The following SKAP1 variants were observed in gnomAD, a reference collection of about 807,000 sequenced individuals.
The protein encoded by SKAP1 is src kinase associated phosphoprotein 1, also known as src kinase-associated phosphoprotein 1.
Under a neutral mutation model 58.5 loss-of-function variants are expected in SKAP1, and 44 were observed. The ratio of observed to expected loss-of-function variants is 0.75; its 90% CI spans 0.59 to 0.97. SKAP1 has a LOEUF of 0.97. Among genes scored for constraint, SKAP1 ranks in the 50% least tolerant of loss-of-function variants. The pLI is 0.00. For synonymous variants in SKAP1, 127 were observed against 149.7 expected, an observed-to-expected ratio of 0.85 and a Z score of 1.11; for missense variants, 390 against 435.2, an observed-to-expected ratio of 0.90 and a Z score of 0.92.
At chr17:48,349,632 G>A (rs950259230) in intron 3 of SKAP1, among the ~76,000 whole-genome samples, 16 of 152,100 alleles carry the variant, frequency 1.1e-4, no homozygotes, top group South Asian at 2.1e-4. Context: ...AGAATTGGGC[G>A]TTAGATACAC....
intron 4 of SKAP1, among the ~76,000 whole-genome samples, chr17:48,255,844 A>G (rs1031881855): frequency 6.6e-5 from 10 of 152,104 alleles, no homozygotes; most frequent in Non-Finnish European, 1.2e-4. Context: ...TATAAGTCAT[A>G]ACGTTTGTTT....
intron 4 of SKAP1, among the ~76,000 whole-genome samples, chr17:48,240,708 C>G (rs972933966): frequency 2.0e-5 from 3 of 152,274 alleles, no homozygotes; most frequent in African/African-American, 4.8e-5. Context: ...AGTGGAATTA[C>G]TGGAGGGACA....
At chr17:48,408,577 A>C (rs963395359) in intron 1 of SKAP1, among the ~76,000 whole-genome samples, 1 of 152,220 alleles carries the variant, frequency 6.6e-6, no homozygotes, top group Non-Finnish European at 1.5e-5. Flanking sequence ...TTAGTAATAC[A>C]TTAAAATATT....
intron 4 of SKAP1, among the ~76,000 whole-genome samples, chr17:48,257,449 G>T (rs1348490713): frequency 6.6e-6 from 1 of 151,910 alleles, no homozygotes; most frequent in Non-Finnish European, 1.5e-5. Context: ...ATGGTAAAGA[G>T]GACCAAAACA....
At chr17:48,137,113 T>C (rs768938371) in intron 12 of SKAP1, 116 bp downstream of exon 12, 1 of 616,208 alleles carries the variant, frequency 1.6e-6, no homozygotes, top group Non-Finnish European at 2.9e-6. Flanking sequence ...CTAGCATTAG[T>C]ATGAGAAATG....
intron 4 of SKAP1, among the ~76,000 whole-genome samples, chr17:48,260,632 T>C (rs975949344): frequency 2.0e-5 from 3 of 151,828 alleles, no homozygotes; most frequent in Non-Finnish European, 2.9e-5. Flanking sequence ...ACTGGAGGGG[T>C]GTGTGTGTGT....
At chr17:48,433,755 C>A (rs1218196008), upstream of SKAP1, among the ~76,000 whole-genome samples, 1 of 152,200 alleles carries the variant, frequency 6.6e-6, no homozygotes, top group African/African-American at 2.4e-5. Flanking sequence ...ACCGCCTTGT[C>A]CACCGGGACC....
chr17:48,199,336 T>C (rs2064693930), intron 4 of SKAP1, among the ~76,000 whole-genome samples: 1 of 152,208 alleles, frequency 6.6e-6, no homozygotes, highest in Non-Finnish European at 1.5e-5. Flanking sequence ...TCCAGTTTCA[T>C]TTTCTCCCAA....
chr17:48,401,082 G>A (rs1359143277), intron 1 of SKAP1, among the ~76,000 whole-genome samples: 1 of 152,144 alleles, frequency 6.6e-6, no homozygotes, highest in African/African-American at 2.4e-5. Flanking sequence ...GAGACGGGTG[G>A]ATCACCTGAG....
intron 4 of SKAP1, among the ~76,000 whole-genome samples, chr17:48,296,594 T>A (rs1205275700): frequency 4.6e-5 from 7 of 152,164 alleles, no homozygotes; most frequent in Admixed American, 4.6e-4. Flanking sequence ...TAAAATTTCC[T>A]ACTCAGTAGC....
chr17:48,410,184 G>T (rs115314494), intron 1 of SKAP1, among the ~76,000 whole-genome samples: 3,395 of 152,236 alleles, frequency 0.022, 116 homozygotes, highest in African/African-American at 0.075. Context: ...TGGGTGCCAG[G>T]TTTCTCACTG....
chr17:48,236,130 G>A (rs534904853), intron 4 of SKAP1, among the ~76,000 whole-genome samples: 1 of 152,254 alleles, frequency 6.6e-6, no homozygotes, highest in African/African-American at 2.4e-5. Flanking sequence ...GAGTTAACAA[G>A]GTTAAGCAAA....
intron 4 of SKAP1, among the ~76,000 whole-genome samples, chr17:48,272,139 CT>C (rs11384992): frequency 4.1e-4 from 60 of 147,444 alleles, no homozygotes; most frequent in African/African-American, 7.2e-4. Context: ...AATTGTCTTC[CT>C]TTTTTTTTTT....
chr17:48,258,717 T>G (rs1160273613), intron 4 of SKAP1, among the ~76,000 whole-genome samples: 1 of 152,114 alleles, frequency 6.6e-6, no homozygotes, highest in Non-Finnish European at 1.5e-5. Flanking sequence ...TTGTTTTACT[T>G]CAGACAAGCA....
At chr17:48,409,530 A>C (rs1025758627) in intron 1 of SKAP1, among the ~76,000 whole-genome samples, 2 of 152,058 alleles carry the variant, frequency 1.3e-5, no homozygotes, top group African/African-American at 2.4e-5. Flanking sequence ...TTAGCTGGGC[A>C]TGGTGGCACG....
chr17:48,431,124 A>G (rs1598696913), upstream of SKAP1, among the ~76,000 whole-genome samples: 2 of 152,218 alleles, frequency 1.3e-5, no homozygotes, highest in African/African-American at 2.4e-5. Context: ...GCTATGGTTG[A>G]TAAAAGAAGG....
intron 4 of SKAP1, among the ~76,000 whole-genome samples, chr17:48,269,014 A>C (rs1598490525): frequency 6.6e-6 from 1 of 152,282 alleles, no homozygotes; most frequent in South Asian, 2.1e-4. Flanking sequence ...ATAGAATAGG[A>C]TAAAGAGCTC....
At chr17:48,212,397 C>T (rs566066853) in intron 4 of SKAP1, among the ~76,000 whole-genome samples, 31 of 152,280 alleles carry the variant, frequency 2.0e-4, no homozygotes, top group African/African-American at 6.7e-4. Flanking sequence ...GGAATACAGG[C>T]CTTCTTGTCC....
At chr17:48,159,232 T>G (rs563584675) in intron 11 of SKAP1, among the ~76,000 whole-genome samples, 6 of 152,324 alleles carry the variant, frequency 3.9e-5, no homozygotes, top group South Asian at 4.1e-4. Flanking sequence ...TAAAACACAT[T>G]TTTGTGTGGA....
Sources: allele counts gnomAD v4.1 joint callset (sites outside exome capture counted in the v4.1 genomes callset), GRCh38; gene constraint gnomAD v4.1.1; transcripts MANE v1.5; gene names NCBI Gene and HGNC (gene_info 2026-07-23, HGNC 2026-07-21).